MAF: variants seen among roughly 807,000 people sequenced by gnomAD.
MAF encodes transcription factor Maf.
A neutral mutation model predicts 22.0 loss-of-function variants in MAF; 10 were observed. That is an observed-to-expected ratio of 0.45 (90% CI 0.28 to 0.77). The LOEUF (loss-of-function observed/expected upper bound fraction) is 0.77, where lower values mean the gene tolerates loss of function less well. MAF is among the 30% of genes least tolerant of loss of function. MAF has a pLI of 0.12. For missense variants in MAF, 544 were observed against 548.4 expected (o/e 0.99, Z 0.08); for synonymous variants, 337 against 255.8 (o/e 1.32, Z -3.03).
the MAF span, among the ~76,000 whole-genome samples, chr16:79,505,923 A>G: frequency 2.6e-5 from 4 of 152,096 alleles, no homozygotes; most frequent in African/African-American, 9.7e-5. Context: ...GCAAAGAACA[A>G]TGGATAGAAG....
At chr16:79,469,315 G>C in the MAF span, among the ~76,000 whole-genome samples, 1 of 152,178 alleles carries the variant, frequency 6.6e-6, no homozygotes, top group East Asian at 1.9e-4. Flanking sequence ...TACAGAAAAA[G>C]TTTGCTGATT....
the MAF span, among the ~76,000 whole-genome samples, chr16:79,411,945 G>A: frequency 3.9e-5 from 6 of 152,142 alleles, no homozygotes; most frequent in African/African-American, 7.2e-5. Flanking sequence ...TGTCTGGATG[G>A]TATGAAAGCT....
At chr16:79,334,168 C>T in the MAF span, among the ~76,000 whole-genome samples, 1 of 152,160 alleles carries the variant, frequency 6.6e-6, no homozygotes, top group Non-Finnish European at 1.5e-5. Context: ...CAGCTTTATT[C>T]CTAAAGCTGA....
chr16:79,404,727 C>T, the MAF span, among the ~76,000 whole-genome samples: 86,628 of 151,786 alleles, frequency 0.57, 25,931 homozygotes, highest in East Asian at 0.73. Context: ...CATCACAAAC[C>T]GAATTTGTGA....
At chr16:79,355,110 ATCTCCACT>A in the MAF span, among the ~76,000 whole-genome samples, 1 of 152,218 alleles carries the variant, frequency 6.6e-6, no homozygotes, top group South Asian at 2.1e-4. Context: ...CACCGAAATA[ATCTCCACT>A]TTAGGACAAT....
the MAF span, among the ~76,000 whole-genome samples, chr16:79,221,821 A>G: frequency 2.6e-5 from 4 of 152,320 alleles, no homozygotes; most frequent in South Asian, 8.3e-4. Context: ...CCGCATGAAC[A>G]GACTAATAGA....
At chr16:79,280,212 C>T in the MAF span, among the ~76,000 whole-genome samples, 1 of 152,232 alleles carries the variant, frequency 6.6e-6, no homozygotes, top group East Asian at 1.9e-4. Flanking sequence ...ACCGGGCTTG[C>T]AGCAGAAGTC....
chr16:79,598,722 C>T, intron 1 of MAF, 63 bp downstream of exon 1: 5 of 1,607,810 alleles, frequency 3.1e-6, no homozygotes, highest in Non-Finnish European at 4.2e-6. Context: ...AAGCCCACAC[C>T]CGAGCCGGAC....
the MAF span, among the ~76,000 whole-genome samples, chr16:79,488,403 T>C: frequency 6.6e-6 from 1 of 152,040 alleles, no homozygotes; most frequent in African/African-American, 2.4e-5. Flanking sequence ...GGATTGGAGC[T>C]TGGTCCTGCC....
the MAF span, among the ~76,000 whole-genome samples, chr16:79,443,140 A>C: frequency 6.6e-6 from 1 of 152,154 alleles, no homozygotes; most frequent in Non-Finnish European, 1.5e-5. Flanking sequence ...AGTCAGGGCT[A>C]AGAAGCAAAA....
chr16:79,596,524 T>C (rs1351423800), intron 1 of MAF: 1 of 1,049,476 alleles, frequency 9.5e-7, no homozygotes, highest in Non-Finnish European at 1.2e-6. Flanking sequence ...CTTTTCTTGA[T>C]ATAACCAGAA....
At chr16:79,475,362 A>G in the MAF span, among the ~76,000 whole-genome samples, 21 of 148,806 alleles carry the variant, frequency 1.4e-4, no homozygotes, top group Middle Eastern at 3.5e-3. Flanking sequence ...ATGTATATAT[A>G]TGTGTGTGTG....
chr16:79,465,199 C>T, the MAF span, among the ~76,000 whole-genome samples: 6 of 152,188 alleles, frequency 3.9e-5, no homozygotes, highest in Non-Finnish European at 8.8e-5. Context: ...TGCTCAAATC[C>T]TTTATATGAA....
chr16:79,334,280 G>T, the MAF span, among the ~76,000 whole-genome samples: 1 of 152,188 alleles, frequency 6.6e-6, no homozygotes, highest in African/African-American at 2.4e-5. Context: ...AAGAAGGGCT[G>T]CTGAGTCATG....
the MAF span, among the ~76,000 whole-genome samples, chr16:79,466,526 T>A: frequency 3.8e-3 from 580 of 152,360 alleles, 2 homozygotes; most frequent in South Asian, 0.021. Flanking sequence ...CTTATACTCA[T>A]CAAGGAGATC....
At chr16:79,531,963 C>A in the MAF span, among the ~76,000 whole-genome samples, 3 of 152,156 alleles carry the variant, frequency 2.0e-5, no homozygotes, top group African/African-American at 4.8e-5. Flanking sequence ...ACCGTGGGAA[C>A]TCCTCTTAGG....
the MAF span, among the ~76,000 whole-genome samples, chr16:79,385,332 A>G: frequency 6.6e-6 from 1 of 152,268 alleles, no homozygotes; most frequent in Non-Finnish European, 1.5e-5. Context: ...GGTGATTAAC[A>G]GACTGCCACT....
rs765387783 is a variant in MAF at position 79,599,688 on chromosome 16, C to G, written c.215G>C (p.Ser72Thr). 2 of 1,612,608 alleles carry G rather than the reference C, an allele frequency of 1.2e-6. No homozygotes were observed. The highest frequency in any genetic ancestry group is 2.2e-5 in the South Asian group (2 of 91,028). ...TPCSSVPPSP[S>T]FSAPSPGSGS... ...CGAGCCCGGGCTGGGCGCCGAGAAG[C>G]TGGGGGAAGGGGGCACCGAGCTGCA... is the stretch of plus-strand genomic sequence containing the variant. Residue 72 changes from serine (S) to threonine (T), a missense_variant, in exon 1 of 2, where the codon AGC becomes ACC. Around this residue, in one of 5 missense-constraint regions of MAF, gnomAD observed 342 missense variants for 315.5 expected, o/e 1.08. Coordinates refer to ENST00000326043, the MANE Select transcript of MAF (RefSeq NM_005360.5).
At chr16:79,301,622 TTATTA>T in the MAF span, among the ~76,000 whole-genome samples, 3 of 21,914 alleles carry the variant, frequency 1.4e-4, no homozygotes, top group Non-Finnish European at 2.7e-4. Context: ...TATATGCATT[TTATTA>T]TATCTATGTG....
Sources: allele counts gnomAD v4.1 joint callset (sites outside exome capture counted in the v4.1 genomes callset), GRCh38; gene constraint gnomAD v4.1.1; regional missense constraint gnomAD v4.1.1; transcripts MANE v1.5; gene names NCBI Gene and HGNC (gene_info 2026-07-23, HGNC 2026-07-21).